Variants in FHL1 observed in about 807,000 individuals in gnomAD.
FHL1 encodes four and a half LIM domains protein 1.
In FHL1, 1 loss-of-function variant was observed where a neutral mutation model predicts 20.3. The observed-to-expected ratio is 0.05, with a 90% CI of 0.02 to 0.23. FHL1 has a LOEUF of 0.23. Ranked by LOEUF, FHL1 falls within the 10% of genes least tolerant of loss-of-function variation. FHL1 has a pLI of 1.00. For missense variants in FHL1, 177 were observed against 234.0 expected (o/e 0.76, Z 1.59); for synonymous variants, 82 against 88.9 (o/e 0.92, Z 0.44).
At chrX:136,194,634 C>T (rs1265036143), upstream of FHL1, among the ~76,000 whole-genome samples, 1 of 111,768 alleles carries the variant, frequency 8.9e-6, no homozygotes, top group African/African-American at 3.3e-5. Context: ...GCGTTGTAAA[C>T]AGTACAGTGA....
intron 1 of FHL1, among the ~76,000 whole-genome samples, chrX:136,155,183 C>G (rs1321472906): frequency 1.8e-5 from 2 of 111,497 alleles, no homozygotes; most frequent in Admixed American, 9.5e-5. Flanking sequence ...TCCAGGCTCT[C>G]CGTGGATCCA....
At chrX:136,200,934 C>T (rs1018176332) in intron 1 of FHL1, among the ~76,000 whole-genome samples, 3 of 111,210 alleles carry the variant, frequency 2.7e-5, no homozygotes, top group African/African-American at 6.5e-5. Flanking sequence ...GAGGCTGAGG[C>T]GGGTGGATTA....
At chrX:136,166,644 C>T (rs1278601444), upstream of FHL1, among the ~76,000 whole-genome samples, 1 of 111,690 alleles carries the variant, frequency 9.0e-6, no homozygotes, top group Non-Finnish European at 1.9e-5. Flanking sequence ...ATGAATTGTA[C>T]TCATCTCTAG....
intron 2 of FHL1, among the ~76,000 whole-genome samples, chrX:136,175,697 G>T (rs777087678): frequency 7.1e-5 from 8 of 112,155 alleles, no homozygotes; most frequent in Admixed American, 1.9e-4. Context: ...CAATATGAAA[G>T]AATTTGTATA....
intron 2 of FHL1, among the ~76,000 whole-genome samples, chrX:136,181,343 G>C (rs2073153958): frequency 9.0e-6 from 1 of 111,643 alleles, no homozygotes; most frequent in Non-Finnish European, 1.9e-5. Flanking sequence ...AACTTGAAAC[G>C]ACCATAAAAG....
At chrX:136,183,846 C>T (rs924683201) in intron 2 of FHL1, among the ~76,000 whole-genome samples, 2 of 111,294 alleles carry the variant, frequency 1.8e-5, no homozygotes, top group Admixed American at 9.6e-5. Context: ...CTTGCCTCCC[C>T]CACCCCCTTA....
intron 2 of FHL1, among the ~76,000 whole-genome samples, chrX:136,183,841 C>T (rs1248716212): frequency 1.8e-5 from 2 of 111,326 alleles, no homozygotes; most frequent in Non-Finnish European, 3.8e-5. Flanking sequence ...TTGACCTTGC[C>T]TCCCCCACCC....
chrX:136,208,634 C>G lies in FHL1; in HGVS notation c.729C>G (p.Pro243=), dbSNP rs1060504733. 3 of 1,207,633 alleles carry G rather than the reference C, an allele frequency of 2.5e-6. No individual in the cohort carries two copies. Among genetic ancestry groups the G allele is most frequent in the Non-Finnish European group, 3.4e-6 (3 of 893,753 alleles). Reference sequence around the variant, plus strand: ...AGAAGTGTGCTGGATGCAAGAACCCCATCACTGGTAGGCTAAAGAGTCCTT... The same window carrying G: ...AGAAGTGTGCTGGATGCAAGAACCCGATCACTGGTAGGCTAAAGAGTCCTT... The part of the protein sequence containing the change: ...VAKKCAGCKN[P]ITGFGKGSSV... The change falls in exon 5 of 6, where the codon CCC becomes CCG. Residue 243 remains proline, a synonymous_variant. Coordinates refer to ENST00000370683, the MANE Select transcript of FHL1 (RefSeq NM_001159699.2).
chrX:136,149,589 G>C (rs187493224), intron 1 of FHL1, among the ~76,000 whole-genome samples: 85 of 111,827 alleles, frequency 7.6e-4, no homozygotes, highest in African/African-American at 1.8e-3. Flanking sequence ...TATGGTTTTT[G>C]AAATTCTAGG....
chrX:136,204,213 G>A (rs955602440), intron 1 of FHL1, among the ~76,000 whole-genome samples: 12 of 112,615 alleles, frequency 1.1e-4, no homozygotes, highest in South Asian at 3.7e-4. Context: ...TGCCGTTACT[G>A]GAGATTTATT....
intron 2 of FHL1, 112 bp downstream of exon 2, chrX:136,206,700 A>T: frequency 1.0e-6 from 1 of 1,001,863 alleles, no homozygotes; most frequent in Admixed American, 2.2e-5. Flanking sequence ...CACTGCAGCC[A>T]CCTTGAGGCC....
chrX:136,178,757 C>CT lies in FHL1; in HGVS notation c.-27+8792dup, dbSNP rs3085392. ...TGAGAGGACCATTTCTTTTTCTATTCTTTTTTTTTTTTTTTGAGACATAGT... is the reference window on the plus strand; with the variant it reads ...TGAGAGGACCATTTCTTTTTCTATTCTTTTTTTTTTTTTTTTGAGACATAGT... On this transcript the variant is annotated intron_variant, in intron 2 of 6. Coordinates refer to the FHL1 transcript ENST00000394153. 5.6e-3 allele frequency among the ~76,000 whole-genome samples: 541 copies of CT among 97,459 alleles called. 4 individuals carry two copies. The highest frequency in any genetic ancestry group is 0.018 in the African/African-American group (489 of 26,990). 84.6% of individuals were successfully genotyped at this position (97,459 alleles called of 115,157 possible). A position where few individuals can be genotyped will look rare whatever the true frequency, so the allele number is the denominator to read the frequency against.
chrX:136,169,258 G>A (rs189221634), upstream of FHL1: 145 of 118,874 alleles, frequency 1.2e-3, 1 homozygote, highest in African/African-American at 4.2e-3. Context: ...ATGTCGTAGC[G>A]GGCCATATTT....
intron 1 of FHL1, among the ~76,000 whole-genome samples, chrX:136,198,981 TC>T (rs951814822): frequency 3.6e-5 from 4 of 111,612 alleles, no homozygotes; most frequent in Admixed American, 9.5e-5. Flanking sequence ...TGGATTGGCT[TC>T]TTAAAATACA....
intron 5 of FHL1, chrX:136,209,460 G>C: frequency 8.3e-7 from 1 of 1,206,477 alleles, no homozygotes; most frequent in Non-Finnish European, 1.1e-6. Context: ...CACACCCCAC[G>C]AACAGCCCAA....
At chrX:136,157,044 A>G (rs746827154) in intron 1 of FHL1, among the ~76,000 whole-genome samples, 102 of 111,524 alleles carry the variant, frequency 9.1e-4, no homozygotes, top group African/African-American at 2.8e-3. Context: ...TTATCGGTCC[A>G]AAAATATTTA....
At chrX:136,174,838 G>A (rs142954704) in intron 2 of FHL1, among the ~76,000 whole-genome samples, 364 of 111,610 alleles carry the variant, frequency 3.3e-3, no homozygotes, top group African/African-American at 0.011. Flanking sequence ...TTTAATTTTA[G>A]GAAAATATGG....
At chrX:136,204,066 T>C (rs2073781104) in intron 1 of FHL1, among the ~76,000 whole-genome samples, 1 of 112,784 alleles carries the variant, frequency 8.9e-6, no homozygotes, top group Admixed American at 9.4e-5. Context: ...TCAAATATGG[T>C]CCAGAAGATA....
chrX:136,174,941 T>G (rs990968159), intron 2 of FHL1, among the ~76,000 whole-genome samples: 1 of 111,832 alleles, frequency 8.9e-6, no homozygotes, highest in African/African-American at 3.3e-5. Context: ...TAAAATGATT[T>G]TAAAAAGTTG....
Sources: gnomAD v4.1 joint callset for allele counts (sites outside exome capture counted in the v4.1 genomes callset) on GRCh38, gnomAD v4.1.1 for gene constraint, MANE v1.5 for transcripts, NCBI Gene and HGNC (gene_info 2026-07-23, HGNC 2026-07-21) for gene names.